Variants in CROCC2 observed in about 807,000 individuals in gnomAD.
CROCC2 encodes ciliary rootlet coiled-coil, rootletin family member 2.
Under a neutral mutation model 177.6 loss-of-function variants are expected in CROCC2, and 163 were observed. That is an observed-to-expected ratio of 0.92 (90% CI 0.81 to 1.05). The LOEUF (loss-of-function observed/expected upper bound fraction) is 1.05, where lower values mean the gene tolerates loss of function less well. CROCC2 is among the 50% of genes least tolerant of loss of function. The probability of loss-of-function intolerance (pLI) is 0.00; values close to 1 mark genes in which losing one functional copy is unlikely to be tolerated. For synonymous variants in CROCC2, 904 were observed against 787.3 expected (o/e 1.15, Z -2.48); for missense variants, 1,929 against 1,797.8 (o/e 1.07, Z -1.32).
rs186368626 is a variant in CROCC2 at position 240,931,102 on chromosome 2, C to G, written c.921C>G (p.Asp307Glu). 7.0e-6 allele frequency: 5 copies of G among 714,762 alleles called. No homozygotes were observed. In the South Asian group the frequency reaches 7.4e-5, roughly 11 times the overall value. The allele number at this position is 714,762 out of a possible 1,614,324, so 44.3% of individuals were successfully genotyped here. Residue 307 changes from aspartate (D) to glutamate (E), a missense_variant, in exon 7 of 32, where the codon GAC becomes GAG. By Grantham distance (45) the Asp-to-Glu change is conservative (BLOSUM62 2). Coordinates refer to ENST00000690015, the MANE Select transcript of CROCC2 (RefSeq NM_001351305.2). ...TGCTGCAGCTGCAGGGCCGCTGGGA[C>G]GCAGAGAAGGTGGCGCTCCAGGCCA... is the stretch of plus-strand genomic sequence containing the variant. Reference protein sequence around the residue: ...GEMLQLQGRWDAEKVALQARL... With the variant: ...GEMLQLQGRWEAEKVALQARL...
intron 28 of CROCC2, among the ~76,000 whole-genome samples, chr2:240,984,117 G>C (rs1162220748): frequency 1.3e-5 from 2 of 152,156 alleles, no homozygotes; most frequent in East Asian, 3.9e-4. Flanking sequence ...GTCATCCCCC[G>C]GCCTCCCCGG....
intron 14 of CROCC2, 37 bp downstream of exon 14, chr2:240,935,625 G>A (rs1010817806): frequency 2.2e-6 from 3 of 1,361,380 alleles, no homozygotes; most frequent in African/African-American, 1.5e-5. Context: ...CGCCGTCTGG[G>A]ATGCGGCTGG....
intron 20 of CROCC2, chr2:240,959,701 G>C (rs12468630): frequency 0.4 from 151,900 of 383,984 alleles, 31,694 homozygotes; most frequent in Admixed American, 0.45. Context: ...ATTGGCTAAG[G>C]GAAGCTGACA....
intron 1 of CROCC2, among the ~76,000 whole-genome samples, chr2:240,910,605 C>T (rs2106448782): frequency 6.6e-6 from 1 of 152,358 alleles, no homozygotes; most frequent in South Asian, 2.1e-4. Context: ...CAGTCCTGGG[C>T]ACAGTGGGGA....
In CROCC2 at chr2:240,959,351, T is replaced by C; in HGVS notation, c.2994T>C (p.Phe998=). The C allele has an allele frequency of 6.4e-7, 1 of 1,550,496 alleles. No homozygotes were observed. The highest frequency in any genetic ancestry group is 8.7e-7 in the Non-Finnish European group (1 of 1,146,944). Residue 998 remains phenylalanine, a synonymous_variant, in exon 20 of 32, where the codon TTT becomes TTC. Transcript: ENST00000690015. ...AGCTGAAGGCCCTCCAGGCCCAGTT[T>C]GAGGATGCCATCACAGCCCATCAGA... ...TEELKALQAQ[F]EDAITAHQRE... is the part of the protein sequence containing the mutation.
At position 240,932,391 on chromosome 2, in the gene CROCC2, C is replaced by T. The variant is rs748056974; in HGVS notation, c.1021C>T (p.Leu341Phe). 1.7e-4 allele frequency: 120 copies of T among 717,370 alleles called. No individual in the cohort carries two copies. Among genetic ancestry groups the T allele is most frequent in the Non-Finnish European group, 2.8e-4 (109 of 385,080 alleles). The allele number at this position is 717,370 out of a possible 1,614,324, so 44.4% of individuals were successfully genotyped here. A position where few individuals can be genotyped will look rare whatever the true frequency, so the allele number is the denominator to read the frequency against. ...NEQKAKTIAA[L>F]RTDLQNLVAQ... ...GCAGAAGGCGAAGACCATCGCTGCC[C>T]TCAGAACCGACCTGCAGAACCTGGT... Residue 341 changes from leucine (L) to phenylalanine (F), a missense_variant, in exon 8 of 32, where the codon CTC (leucine) becomes TTC (phenylalanine). Leu to Phe is a conservative substitution (Grantham distance 22). Transcript: ENST00000690015.
chr2:240,993,015 A>T (rs1332010051), intron 31 of CROCC2, 51 bp from the exon 32 acceptor site: 1 of 713,348 alleles, frequency 1.4e-6, no homozygotes, highest in Non-Finnish European at 2.6e-6. Context: ...AGGAGCCCCC[A>T]TGTGTCCCCG....
rs1158475554 is a variant in CROCC2, at chr2:240,964,505, C to T, written c.3345C>T (p.Leu1115=). Residue 1115 remains leucine, a synonymous_variant, in exon 22 of 32, where the codon CTC becomes CTT. Transcript: ENST00000690015. ...RSKEEKEQKL[L]ILEEAQAALQ... ...AGGAGGAGAAGGAGCAGAAGCTGCTCATCCTGGAGGAGGCCCAGGCGGCGT... is the reference window on the plus strand; with the variant it reads ...AGGAGGAGAAGGAGCAGAAGCTGCTTATCCTGGAGGAGGCCCAGGCGGCGT... 6.5e-6 allele frequency: 10 copies of T among 1,548,996 alleles called. No homozygotes were observed. In the African/African-American group the frequency reaches 1.4e-4, roughly 21 times the overall value.
intron 18 of CROCC2, among the ~76,000 whole-genome samples, chr2:240,951,978 G>A (rs2059559045): frequency 6.6e-6 from 1 of 152,194 alleles, no homozygotes; most frequent in Non-Finnish European, 1.5e-5. Flanking sequence ...AGAATTCACT[G>A]TTGAGTGAAA....
chr2:240,967,872 G>A (rs921841144), intron 26 of CROCC2, among the ~76,000 whole-genome samples: 2 of 151,528 alleles, frequency 1.3e-5, no homozygotes, highest in Admixed American at 1.3e-4. Flanking sequence ...CCTCAGAGAG[G>A]CCCCTTCCTT....
intron 5 of CROCC2, among the ~76,000 whole-genome samples, chr2:240,926,785 G>C (rs942684346): frequency 6.6e-6 from 1 of 152,242 alleles, no homozygotes; most frequent in African/African-American, 2.4e-5. Context: ...ACCAGCCGAG[G>C]TTTACACCCC....
chr2:240,963,216 C>G (rs1330715008), intron 20 of CROCC2: 1 of 305,172 alleles, frequency 3.3e-6, no homozygotes, highest in African/African-American at 2.1e-5. Context: ...CAGGCAGTGA[C>G]AGTGCAGACA....
chr2:240,985,891 G>A (rs1159433247), intron 28 of CROCC2: 1 of 453,126 alleles, frequency 2.2e-6, no homozygotes, highest in East Asian at 7.0e-5. Context: ...TGCATGCAGG[G>A]CCCCCACCTG....
At chr2:240,909,444 G>T (rs894274509) in intron 1 of CROCC2, among the ~76,000 whole-genome samples, 4 of 152,362 alleles carry the variant, frequency 2.6e-5, no homozygotes, top group Admixed American at 6.5e-5. Context: ...CTGAGAGCAG[G>T]GCTGGTGAAT....
At chr2:240,909,325 G>C (rs547297684) in intron 1 of CROCC2, among the ~76,000 whole-genome samples, 2,317 of 139,880 alleles carry the variant, frequency 0.017, 43 homozygotes, top group African/African-American at 0.061. Context: ...CCTGGGGTGA[G>C]CTCTACCTCC....
chr2:240,941,959 T>C (rs1009829601), intron 14 of CROCC2, among the ~76,000 whole-genome samples: 2 of 152,184 alleles, frequency 1.3e-5, no homozygotes, highest in African/African-American at 4.8e-5. Flanking sequence ...CCTTCCACCA[T>C]GTGAAGGTGC....
At chr2:240,907,343 G>A (rs192379338) in intron 1 of CROCC2, among the ~76,000 whole-genome samples, 81 of 152,154 alleles carry the variant, frequency 5.3e-4, no homozygotes, top group Admixed American at 1.4e-3. Context: ...CCCAGCCTGC[G>A]GTCCCACCTC....
At chr2:240,983,640 C>T (rs1284216446) in intron 28 of CROCC2, 7 of 1,280,784 alleles carry the variant, frequency 5.5e-6, no homozygotes, top group Non-Finnish European at 6.1e-6. Flanking sequence ...TCCGCAGGGG[C>T]GCGGCTGGGA....
chr2:240,955,528 C>T (rs149685128), intron 18 of CROCC2: 36 of 268,452 alleles, frequency 1.3e-4, no homozygotes, highest in African/African-American at 7.8e-4. Context: ...CTCATGAAGG[C>T]CCCCAAACTG....
Sources: allele counts gnomAD v4.1 joint callset (sites outside exome capture counted in the v4.1 genomes callset), GRCh38; gene constraint gnomAD v4.1.1; transcripts MANE v1.5; gene names NCBI Gene and HGNC (gene_info 2026-07-23, HGNC 2026-07-21).